The following PTPRG variants were observed in gnomAD, a reference collection of about 807,000 sequenced individuals.
The protein encoded by PTPRG is protein tyrosine phosphatase receptor type G.
PTPRG carries 102 observed loss-of-function variants against 165.3 expected under a neutral mutation model. That is an observed-to-expected ratio of 0.62 (90% confidence interval 0.53 to 0.73). The LOEUF is 0.73. Ranked by LOEUF, PTPRG falls within the 30% of genes least tolerant of loss-of-function variation. The pLI is 0.00. For missense variants in PTPRG, 1,866 were observed against 1,861.4 expected, an observed-to-expected ratio of 1.00 and a Z score of -0.05; for synonymous variants, 675 against 669.5, an observed-to-expected ratio of 1.01 and a Z score of -0.13.
At position 62,297,531 on chromosome 3, in the gene PTPRG, A is replaced by G. The variant is rs1703105628; in HGVS notation, c.*4224A>G. ...TCCCTTTTTCTTCTGTTTAAACTAT[A>G]TCAAATCATTCTATTATAGTGTTAT... On this transcript the variant is annotated 3_prime_UTR_variant, in exon 30 of 30. Transcript: ENST00000474889. 6.6e-6 allele frequency: 1 copy of G among 151,116 alleles called. No homozygotes were observed. Among genetic ancestry groups the G allele is most frequent in the Admixed American group, 6.6e-5 (1 of 15,142 alleles). The allele number at this position is 151,116 out of a possible 1,614,324, so 9.4% of individuals were successfully genotyped here.
chr3:61,674,086 C>G (rs1178432094), intron 1 of PTPRG, among the ~76,000 whole-genome samples: 1 of 151,442 alleles, frequency 6.6e-6, no homozygotes, highest in South Asian at 2.1e-4. Context: ...ACGTAGATGA[C>G]GGGTTGATGG....
At chr3:61,870,361 G>A (rs1331925418) in intron 2 of PTPRG, among the ~76,000 whole-genome samples, 1 of 148,556 alleles carries the variant, frequency 6.7e-6, no homozygotes, top group African/African-American at 2.5e-5. Context: ...TGTTGCCCAG[G>A]AGTGCAATGG....
intron 2 of PTPRG, among the ~76,000 whole-genome samples, chr3:61,978,192 C>T (rs1359890946): frequency 6.6e-6 from 1 of 152,206 alleles, no homozygotes; most frequent in Admixed American, 6.5e-5. Context: ...TCTTTGCGTA[C>T]TAGAGAACTT....
intron 2 of PTPRG, chr3:61,749,298 C>T (rs1429703320): frequency 1.2e-5 from 5 of 401,774 alleles, no homozygotes; most frequent in Non-Finnish European, 2.3e-5. Context: ...TTTTCAGGGG[C>T]TGTGATTTCA....
intron 5 of PTPRG, among the ~76,000 whole-genome samples, chr3:62,092,153 G>A (rs914517502): frequency 1.4e-5 from 2 of 147,182 alleles, no homozygotes; most frequent in African/African-American, 2.5e-5. Context: ...CTTAAGACAA[G>A]GACCGGCCGG....
chr3:62,152,866 A>T (rs904887952), intron 6 of PTPRG, among the ~76,000 whole-genome samples: 1 of 152,164 alleles, frequency 6.6e-6, no homozygotes, highest in African/African-American at 2.4e-5. Flanking sequence ...CTTGTGTTAA[A>T]ATAGGGGCAG....
At chr3:61,932,951 C>T (rs1382454919) in intron 2 of PTPRG, among the ~76,000 whole-genome samples, 2 of 152,172 alleles carry the variant, frequency 1.3e-5, no homozygotes, top group East Asian at 1.9e-4. Context: ...TGAAACCCCC[C>T]ACTTGCTACT....
chr3:62,114,304 A>AAAAC (rs1238122502), intron 5 of PTPRG, among the ~76,000 whole-genome samples: 5 of 152,118 alleles, frequency 3.3e-5, no homozygotes, highest in Admixed American at 1.3e-4. Flanking sequence ...GTCTCAAACA[A>AAAAC]AAACAAACAA....
chr3:62,037,226 T>C (rs544027454), intron 4 of PTPRG, among the ~76,000 whole-genome samples: 1 of 152,326 alleles, frequency 6.6e-6, no homozygotes, highest in African/African-American at 2.4e-5. Context: ...CCATAGGTCA[T>C]ATAAGGATAC....
intron 4 of PTPRG, among the ~76,000 whole-genome samples, chr3:62,025,155 A>AATTTTTAAT (rs1303700672): frequency 6.6e-6 from 1 of 152,136 alleles, no homozygotes; most frequent in Non-Finnish European, 1.5e-5. Context: ...AAACACTAAA[A>AATTTTTAAT]ATTTTTAATA....
intron 1 of PTPRG, among the ~76,000 whole-genome samples, chr3:61,647,935 T>G (rs1368303889): frequency 1.3e-5 from 2 of 152,146 alleles, no homozygotes; most frequent in African/African-American, 2.4e-5. Context: ...TTGCGGCCTG[T>G]GAGGCCCGTT....
chr3:61,562,240 A>G lies in PTPRG; in HGVS notation c.-48A>G, dbSNP rs759937884. ...CTCGCACGGAGGCAAGAACTTATTC[A>G]ACAAGTTTACCTCCCTGCTTTCCTC... On this transcript the variant is annotated 5_prime_UTR_variant, in exon 1 of 30. Coordinates refer to ENST00000474889, the MANE Select transcript of PTPRG (RefSeq NM_002841.4). 2 of 1,561,476 alleles carry G rather than the reference A, an allele frequency of 1.3e-6. No individual in the cohort carries two copies. Among genetic ancestry groups the G allele is most frequent in the African/African-American group, 2.7e-5 (2 of 73,774 alleles).
At chr3:62,270,252 C>T (rs1184139138) in intron 20 of PTPRG, among the ~76,000 whole-genome samples, 2 of 151,720 alleles carry the variant, frequency 1.3e-5, no homozygotes, top group African/African-American at 4.8e-5. Context: ...GCCTCCTTGC[C>T]CCATTTATAT....
intron 1 of PTPRG, among the ~76,000 whole-genome samples, chr3:61,603,078 C>T (rs953752483): frequency 6.6e-6 from 1 of 152,132 alleles, no homozygotes; most frequent in Non-Finnish European, 1.5e-5. Flanking sequence ...AATGGGTCAT[C>T]ATGGGAATAT....
intron 2 of PTPRG, among the ~76,000 whole-genome samples, chr3:61,879,340 AT>A (rs2037825190): frequency 6.6e-6 from 1 of 152,190 alleles, no homozygotes; most frequent in South Asian, 2.1e-4. Context: ...GTCTTCTGAT[AT>A]AGGAACATGG....
chr3:61,776,181 T>C (rs571434997), intron 2 of PTPRG, among the ~76,000 whole-genome samples: 72 of 152,162 alleles, frequency 4.7e-4, no homozygotes, highest in African/African-American at 1.7e-3. Flanking sequence ...GTATCTAGAA[T>C]GTTAGCATCA....
At chr3:61,730,560 A>G (rs2106832192) in intron 1 of PTPRG, among the ~76,000 whole-genome samples, 1 of 152,278 alleles carries the variant, frequency 6.6e-6, no homozygotes, top group South Asian at 2.1e-4. Context: ...TGTTAAAAAT[A>G]TTGTCTCAAG....
At chr3:61,919,018 A>G (rs2039010420) in intron 2 of PTPRG, among the ~76,000 whole-genome samples, 1 of 152,196 alleles carries the variant, frequency 6.6e-6, no homozygotes. Flanking sequence ...CCCTTCCCAC[A>G]GTGTAGTAGG....
At chr3:61,943,252 A>G (rs945818226) in intron 2 of PTPRG, among the ~76,000 whole-genome samples, 2 of 152,214 alleles carry the variant, frequency 1.3e-5, no homozygotes, top group African/African-American at 4.8e-5. Context: ...GAATTTTGCC[A>G]TATCAGTTGT....
Sources: gnomAD v4.1 joint callset for allele counts (sites outside exome capture counted in the v4.1 genomes callset) on GRCh38, gnomAD v4.1.1 for gene constraint, MANE v1.5 for transcripts, NCBI Gene and HGNC (gene_info 2026-07-23, HGNC 2026-07-21) for gene names.